Variants in TULP4 observed in about 807,000 individuals in gnomAD.
The protein encoded by TULP4 is tubby-related protein 4.
A neutral mutation model predicts 129.0 loss-of-function variants in TULP4; 16 were observed. The ratio of observed to expected loss-of-function variants is 0.12; its 90% CI spans 0.08 to 0.19. The LOEUF is 0.19. TULP4 is among the 10% of genes least tolerant of loss of function. TULP4 has a pLI of 1.00. For synonymous variants in TULP4, 998 were observed against 854.0 expected, an observed-to-expected ratio of 1.17 and a Z score of -2.94; for missense variants, 1,842 against 2,059.1, an observed-to-expected ratio of 0.89 and a Z score of 2.04.
chr6:158,247,945 C>T (rs1343948882), intron 1 of TULP4, among the ~76,000 whole-genome samples: 1 of 152,166 alleles, frequency 6.6e-6, no homozygotes, highest in East Asian at 1.9e-4. Flanking sequence ...AAATGACCCT[C>T]TTAGCCACAA....
At chr6:158,336,820 AT>A (rs906495351) in intron 1 of TULP4, among the ~76,000 whole-genome samples, 101 of 152,286 alleles carry the variant, frequency 6.6e-4, no homozygotes, top group African/African-American at 2.3e-3. Flanking sequence ...TCTATTTTGA[AT>A]TAGTCCCTAT....
chr6:158,363,062 CAAA>C (rs11373437), intron 1 of TULP4, among the ~76,000 whole-genome samples: 1 of 87,990 alleles, frequency 1.1e-5, no homozygotes, highest in Non-Finnish European at 2.1e-5. Context: ...GACTCCATCT[CAAA>C]AAAAAAAAAA....
intron 1 of TULP4, among the ~76,000 whole-genome samples, chr6:158,257,299 A>G (rs1778265607): frequency 6.6e-6 from 1 of 152,160 alleles, no homozygotes; most frequent in African/African-American, 2.4e-5. Flanking sequence ...GCCTCAGGCC[A>G]GGGAACATGT....
chr6:158,489,266 A>G (rs558095848), intron 8 of TULP4, among the ~76,000 whole-genome samples: 1 of 152,350 alleles, frequency 6.6e-6, no homozygotes, highest in South Asian at 2.1e-4. Context: ...GAAAGTCCGC[A>G]TGAACCCAGG....
At chr6:158,239,665 C>G (rs867525869) in intron 1 of TULP4, among the ~76,000 whole-genome samples, 237 of 41,670 alleles carry the variant, frequency 5.7e-3, no homozygotes, top group African/African-American at 6.8e-3. Flanking sequence ...CCTCCCGGAC[C>G]GGGCGGCTGG....
intron 1 of TULP4, among the ~76,000 whole-genome samples, chr6:158,382,448 G>A (rs913397789): frequency 6.6e-6 from 1 of 152,194 alleles, no homozygotes; most frequent in African/African-American, 2.4e-5. Context: ...CCTCCAAGTG[G>A]ATAATGAGCT....
chr6:158,368,021 G>A (rs1471083295), intron 1 of TULP4, among the ~76,000 whole-genome samples: 7 of 135,660 alleles, frequency 5.2e-5, no homozygotes, highest in Non-Finnish European at 9.2e-5. Context: ...CAAGCCCATA[G>A]ATCGAGGCTG....
chr6:158,370,210 A>C (rs1017841252), intron 1 of TULP4, among the ~76,000 whole-genome samples: 2 of 152,046 alleles, frequency 1.3e-5, no homozygotes, highest in African/African-American at 4.8e-5. Flanking sequence ...TAATCCCAGC[A>C]CTTTGGGAGG....
chr6:158,373,128 G>C (rs753872873), intron 1 of TULP4, among the ~76,000 whole-genome samples: 10 of 152,198 alleles, frequency 6.6e-5, no homozygotes, highest in African/African-American at 2.2e-4. Flanking sequence ...TGGAGAGAAG[G>C]TTCTTAAACA....
chr6:158,261,901 C>T (rs1045467056), intron 1 of TULP4, among the ~76,000 whole-genome samples: 1 of 152,152 alleles, frequency 6.6e-6, no homozygotes, highest in Non-Finnish European at 1.5e-5. Flanking sequence ...GCAAAGGACT[C>T]ATCTTCCAGA....
intron 1 of TULP4, among the ~76,000 whole-genome samples, chr6:158,251,307 AC>A (rs1487319616): frequency 6.6e-6 from 1 of 152,118 alleles, no homozygotes; most frequent in Non-Finnish European, 1.5e-5. Context: ...GTGGTTTAAT[AC>A]GGTCATACTC....
intron 2 of TULP4, among the ~76,000 whole-genome samples, chr6:158,416,039 G>A (rs1057020417): frequency 1.5e-4 from 23 of 152,248 alleles, no homozygotes; most frequent in South Asian, 2.1e-4. Flanking sequence ...AAGTCCAAGA[G>A]TCTAAAAGCT....
chr6:158,405,568 CTCAAGATACAA>C (rs1032634640), intron 1 of TULP4, among the ~76,000 whole-genome samples: 9 of 152,148 alleles, frequency 5.9e-5, no homozygotes, highest in African/African-American at 2.2e-4. Flanking sequence ...GTTCTTTTAA[CTCAAGATACAA>C]TCGATCCTGG....
chr6:158,336,095 A>T (rs886512340), intron 1 of TULP4, among the ~76,000 whole-genome samples: 5 of 152,228 alleles, frequency 3.3e-5, no homozygotes, highest in Admixed American at 6.5e-5. Context: ...AGCTTCACCC[A>T]TAGTATATTA....
In TULP4 at chr6:158,380,281, G is replaced by A. The variant is rs541634118; in HGVS notation, c.253-32784G>A. Among the ~76,000 whole-genome samples, 352 of 152,222 alleles carry A rather than the reference G, an allele frequency of 2.3e-3. 3 individuals are homozygous for A. The highest frequency in any genetic ancestry group is 7.9e-3 in the African/African-American group (326 of 41,528). Reference sequence around the variant, plus strand: ...CAAGAACTACGGACAGCCCCTTGCCGGCATCCAAACTGTACAGTTCCCTTT... The same window carrying A: ...CAAGAACTACGGACAGCCCCTTGCCAGCATCCAAACTGTACAGTTCCCTTT... On this transcript the variant is annotated intron_variant, in intron 1 of 13. Coordinates refer to ENST00000367097, the MANE Select transcript of TULP4 (RefSeq NM_020245.5).
intron 5 of TULP4, among the ~76,000 whole-genome samples, chr6:158,456,219 T>C (rs2115165047): frequency 6.6e-6 from 1 of 152,260 alleles, no homozygotes; most frequent in Admixed American, 6.5e-5. Context: ...TATTCTCTTC[T>C]CTGGTGGTTA....
intron 1 of TULP4, among the ~76,000 whole-genome samples, chr6:158,324,100 A>C (rs1779694053): frequency 6.6e-6 from 1 of 152,222 alleles, no homozygotes. Context: ...ATTTAAACCG[A>C]TAAAATGCAC....
chr6:158,376,829 C>T (rs1253496702), intron 1 of TULP4, among the ~76,000 whole-genome samples: 1 of 152,234 alleles, frequency 6.6e-6, no homozygotes, highest in African/African-American at 2.4e-5. Context: ...TTGAATGTGG[C>T]TGTCAGGCCA....
At position 158,383,965 on chromosome 6, in the gene TULP4, T is replaced by G. The variant is rs867983339; in HGVS notation, c.253-29100T>G. ...TAAAGTAGTTGGATTTGGCAGGAAG[T>G]TAATAGTACAGACTTTATACCAAAG... On this transcript the variant is annotated intron_variant, in intron 1 of 13. Coordinates refer to ENST00000367097, the MANE Select transcript of TULP4 (RefSeq NM_020245.5). Among the ~76,000 whole-genome samples the G allele has an allele frequency of 4.0e-4, 61 of 152,190 alleles. 3 individuals are homozygous for G. Among genetic ancestry groups the G allele is most frequent in the East Asian group, 1.9e-4 (1 of 5,198 alleles).
Sources: gnomAD v4.1 joint callset for allele counts (sites outside exome capture counted in the v4.1 genomes callset) on GRCh38, gnomAD v4.1.1 for gene constraint, MANE v1.5 for transcripts, NCBI Gene and HGNC (gene_info 2026-07-23, HGNC 2026-07-21) for gene names.